Variants in CSMD2 observed in about 807,000 individuals in gnomAD.
The protein encoded by CSMD2 is CUB and Sushi multiple domains 2.
CSMD2 carries 130 observed loss-of-function variants against 398.5 expected under a neutral mutation model. The ratio of observed to expected loss-of-function variants is 0.33; its 90% CI spans 0.28 to 0.38. The LOEUF (loss-of-function observed/expected upper bound fraction) is 0.38. CSMD2 is among the 10% of genes least tolerant of loss of function. The pLI, the probability that CSMD2 is intolerant of heterozygous loss-of-function variation, is 1.00. For missense variants in CSMD2, 3,829 were observed against 4,764.9 expected (o/e 0.80, Z 5.78); for synonymous variants, 1,828 against 1,908.5 (o/e 0.96, Z 1.10).
intron 21 of CSMD2, among the ~76,000 whole-genome samples, chr1:33,713,764 G>A (rs1461221664): frequency 6.6e-6 from 1 of 152,044 alleles, no homozygotes; most frequent in Non-Finnish European, 1.5e-5. Context: ...TTTGGGTCTT[G>A]GTCCTCTGTT....
intron 3 of CSMD2, among the ~76,000 whole-genome samples, chr1:33,994,108 G>C (rs72665782): frequency 0.033 from 5,020 of 152,244 alleles, 94 homozygotes; most frequent in Non-Finnish European, 0.05. Flanking sequence ...TAACAGTGAG[G>C]ATACCCTTAA....
chr1:33,828,693 G>C (rs932426348), intron 6 of CSMD2, among the ~76,000 whole-genome samples: 1 of 152,088 alleles, frequency 6.6e-6, no homozygotes, highest in African/African-American at 2.4e-5. Context: ...CTCTTCTCAC[G>C]GTTGCATTGA....
At chr1:33,866,287 G>A (rs1473106606) in intron 5 of CSMD2, among the ~76,000 whole-genome samples, 3 of 152,114 alleles carry the variant, frequency 2.0e-5, no homozygotes, top group Admixed American at 6.5e-5. Context: ...CTAAGTTCCC[G>A]CCCTATAAAA....
chr1:33,754,298 T>C (rs1386544576), intron 13 of CSMD2, among the ~76,000 whole-genome samples: 2 of 152,326 alleles, frequency 1.3e-5, no homozygotes, highest in East Asian at 3.9e-4. Context: ...TGCTAGTTCA[T>C]GCAAGATCTG....
rs550440742 is a variant in CSMD2 at position 33,682,383 on chromosome 1, C to T, written c.4052+10547G>A. Among the ~76,000 whole-genome samples the T allele has an allele frequency of 2.0e-5, 3 of 152,342 alleles. No homozygotes were observed. In the East Asian group the frequency reaches 5.8e-4, roughly 29 times the overall value. On this transcript the variant is annotated intron_variant, in intron 25 of 70. Transcript: ENST00000373381. ...ACAGGTTCCACGCATTGGAACCTCA[C>T]ATTTTTGGGGGCCACCATTCAACCT...
intron 41 of CSMD2, among the ~76,000 whole-genome samples, chr1:33,606,709 G>A (rs1640637665): frequency 6.6e-6 from 1 of 152,220 alleles, no homozygotes; most frequent in African/African-American, 2.4e-5. Context: ...CTCAGAGACG[G>A]GGAGAGAAGG....
chr1:33,857,859 T>C (rs1204799352), intron 5 of CSMD2, among the ~76,000 whole-genome samples: 1 of 152,116 alleles, frequency 6.6e-6, no homozygotes, highest in Non-Finnish European at 1.5e-5. Context: ...GAGAAGTAGG[T>C]GGACTGAATA....
chr1:33,950,980 T>C (rs1385662516), intron 3 of CSMD2, among the ~76,000 whole-genome samples: 2 of 152,224 alleles, frequency 1.3e-5, no homozygotes, highest in Non-Finnish European at 2.9e-5. Flanking sequence ...GATTACAGCA[T>C]TGAGTCGGGC....
intron 10 of CSMD2, among the ~76,000 whole-genome samples, chr1:33,806,025 T>C (rs1228077964): frequency 6.6e-6 from 1 of 151,998 alleles, no homozygotes; most frequent in East Asian, 1.9e-4. Context: ...CTTTTAAAAA[T>C]TCGGTCAATA....
intron 22 of CSMD2, among the ~76,000 whole-genome samples, chr1:33,707,409 G>A (rs866501261): frequency 7.9e-5 from 12 of 152,216 alleles, no homozygotes; most frequent in Non-Finnish European, 1.0e-4. Flanking sequence ...CACCCTCTGA[G>A]ACTCAAATGG....
chr1:34,021,702 A>AG (rs1648911576), intron 3 of CSMD2, among the ~76,000 whole-genome samples: 1 of 152,142 alleles, frequency 6.6e-6, no homozygotes, highest in Non-Finnish European at 1.5e-5. Context: ...TGAGACTTGG[A>AG]GCCAAGAGAA....
chr1:33,958,165 G>C (rs1353342636), intron 3 of CSMD2, among the ~76,000 whole-genome samples: 1 of 152,100 alleles, frequency 6.6e-6, no homozygotes, highest in Non-Finnish European at 1.5e-5. Flanking sequence ...ATGAGGCTGT[G>C]TTTTTCCAAA....
intron 19 of CSMD2, among the ~76,000 whole-genome samples, chr1:33,721,487 G>GA (rs762665965): frequency 7.2e-5 from 11 of 152,204 alleles, no homozygotes; most frequent in East Asian, 3.8e-4. Flanking sequence ...CAGACACAGA[G>GA]AAAACCACAA....
chr1:33,987,420 C>T (rs1646396963), intron 3 of CSMD2, among the ~76,000 whole-genome samples: 1 of 152,134 alleles, frequency 6.6e-6, no homozygotes, highest in Non-Finnish European at 1.5e-5. Flanking sequence ...AGTTGACTTG[C>T]CCAAGGTCAC....
chr1:33,606,615 G>A (rs563330633), intron 41 of CSMD2, among the ~76,000 whole-genome samples: 16 of 152,334 alleles, frequency 1.1e-4, no homozygotes, highest in African/African-American at 3.1e-4. Context: ...AAGTCTCAGC[G>A]GAAGCAGGGG....
At chr1:33,969,242 G>A (rs1490091131) in intron 3 of CSMD2, among the ~76,000 whole-genome samples, 1 of 152,174 alleles carries the variant, frequency 6.6e-6, no homozygotes, top group African/African-American at 2.4e-5. Flanking sequence ...AGTGTGAAAG[G>A]AACAATGTAA....
intron 5 of CSMD2, chr1:33,860,635 AT>A (rs1484841662): frequency 1.3e-5 from 2 of 152,166 alleles, no homozygotes; most frequent in Non-Finnish European, 2.9e-5. Flanking sequence ...TCATGGCTTT[AT>A]TATCACCTCA....
rs371190506 is a variant in CSMD2, at chr1:33,956,244, C to A, written c.518-20290G>T. Among the ~76,000 whole-genome samples, 67 of 151,496 alleles carry A rather than the reference C, an allele frequency of 4.4e-4. No homozygotes were observed. In the South Asian group the frequency reaches 4.6e-3, roughly 10 times the overall value. On this transcript the variant is annotated intron_variant, in intron 3 of 70. Transcript: ENST00000373381. ...AAAGAATATTCACATTGTTGTGTAACCATCACCACTATCCATCCACAAAAC... is the reference window on the plus strand; with the variant it reads ...AAAGAATATTCACATTGTTGTGTAAACATCACCACTATCCATCCACAAAAC...
chr1:33,893,127 C>T (rs1642142632), intron 5 of CSMD2, among the ~76,000 whole-genome samples: 1 of 152,194 alleles, frequency 6.6e-6, no homozygotes. Context: ...CTAGAAACAT[C>T]TGGGTCACAG....
Sources: allele counts gnomAD v4.1 joint callset (sites outside exome capture counted in the v4.1 genomes callset), GRCh38; gene constraint gnomAD v4.1.1; transcripts MANE v1.5; gene names NCBI Gene and HGNC (gene_info 2026-07-23, HGNC 2026-07-21).